SRRM3: variants seen among roughly 807,000 people sequenced by gnomAD.
SRRM3 encodes the protein serine/arginine repetitive matrix 3, also known as serine/arginine repetitive matrix protein 3.
In SRRM3, 27 loss-of-function variants were observed where a neutral mutation model predicts 66.2. That is an observed-to-expected ratio of 0.41 (90% CI 0.30 to 0.56). The LOEUF (loss-of-function observed/expected upper bound fraction) is 0.56. SRRM3 is among the 20% of genes least tolerant of loss of function. The probability of loss-of-function intolerance (pLI) is 0.32; values close to 1 mark genes in which losing one functional copy is unlikely to be tolerated. For missense variants in SRRM3, 918 were observed against 991.9 expected (o/e 0.93, Z 1.00); for synonymous variants, 391 against 414.9 (o/e 0.94, Z 0.70).
chr7:76,267,674 C>T, intron 11 of SRRM3: 1 of 389,076 alleles, frequency 2.6e-6, no homozygotes, highest in Non-Finnish European at 4.5e-6. Flanking sequence ...GGTCTTGGGC[C>T]ACCCTTGCGC....
chr7:76,279,392 T>C (rs1554611540), intron 11 of SRRM3, among the ~76,000 whole-genome samples: 1 of 151,764 alleles, frequency 6.6e-6, no homozygotes, highest in African/African-American at 2.4e-5. Context: ...TAAAAAGTGA[T>C]GTTACAGAGG....
intron 6 of SRRM3, 82 bp downstream of exon 6, chr7:76,260,985 C>A: frequency 1.4e-6 from 2 of 1,465,168 alleles, no homozygotes; most frequent in Non-Finnish European, 1.9e-6. Flanking sequence ...CCCCAGAGGC[C>A]GGAGGCCTGG....
chr7:76,282,395 T>C (rs1247155769), intron 12 of SRRM3, among the ~76,000 whole-genome samples: 1 of 118,602 alleles, frequency 8.4e-6, no homozygotes, highest in Admixed American at 9.3e-5. Context: ...CCCCGCTTAC[T>C]GATCACTCTC....
intron 1 of SRRM3, among the ~76,000 whole-genome samples, chr7:76,206,652 A>G (rs1800307556): frequency 6.6e-6 from 1 of 152,204 alleles, no homozygotes; most frequent in South Asian, 2.1e-4. Flanking sequence ...AGCCGGGTTC[A>G]GGCTGCCTCA....
chr7:76,266,629 T>A (rs1334796879), intron 10 of SRRM3, among the ~76,000 whole-genome samples: 2 of 130,328 alleles, frequency 1.5e-5, no homozygotes, highest in South Asian at 2.1e-4. Flanking sequence ...TATTAATATA[T>A]ATTTAATATA....
At chr7:76,235,413 G>T in intron 2 of SRRM3, 114 bp downstream of exon 2, 1 of 948,946 alleles carries the variant, frequency 1.1e-6, no homozygotes, top group Admixed American at 3.0e-5. Context: ...AGAAGGGCGG[G>T]GCTAGGGGCT....
intron 1 of SRRM3, among the ~76,000 whole-genome samples, chr7:76,219,570 C>T (rs1800660941): frequency 6.6e-6 from 1 of 152,184 alleles, no homozygotes; most frequent in Non-Finnish European, 1.5e-5. Flanking sequence ...TCAGAGCCAA[C>T]AAAGACAGGA....
At chr7:76,274,043 G>A (rs1368781837) in intron 11 of SRRM3, among the ~76,000 whole-genome samples, 1 of 152,212 alleles carries the variant, frequency 6.6e-6, no homozygotes, top group Non-Finnish European at 1.5e-5. Context: ...CTGTTGTCTG[G>A]AGTAGCTGCG....
chr7:76,218,876 CAG>C (rs1352526158), intron 1 of SRRM3, among the ~76,000 whole-genome samples: 2 of 151,442 alleles, frequency 1.3e-5, no homozygotes, highest in African/African-American at 2.4e-5. Flanking sequence ...TTTTTTCAGA[CAG>C]AGTGTCGCTC....
rs1554606708 is a variant in SRRM3, at chr7:76,250,043, TTA to T, written c.335+1756_335+1757del. Among the ~76,000 whole-genome samples the T allele has an allele frequency of 7.8e-5, 7 of 89,396 alleles. No homozygotes were observed. The East Asian group carries it at 2.5e-3, about 32-fold the overall frequency. The allele number at this position is 89,396 out of a possible 152,430, so 58.6% of individuals were successfully genotyped here. ...CATCTTTATTTATTTATTTATTTAT[TTA>T]TTTTTATTTATTTTTTGACACAGGG... On this transcript the variant is annotated intron_variant, in intron 3 of 14. Transcript: ENST00000611745.
chr7:76,246,335 G>A (rs1400563586), intron 2 of SRRM3, among the ~76,000 whole-genome samples: 1 of 152,000 alleles, frequency 6.6e-6, no homozygotes, highest in Non-Finnish European at 1.5e-5. Flanking sequence ...AGGCTGAGCT[G>A]GGCAGATCAT....
At chr7:76,250,163 C>G (rs1009270925) in intron 3 of SRRM3, among the ~76,000 whole-genome samples, 1 of 152,098 alleles carries the variant, frequency 6.6e-6, no homozygotes, top group Non-Finnish European at 1.5e-5. Context: ...CCTGCCTCAG[C>G]CTCCTGAGTA....
intron 1 of SRRM3, among the ~76,000 whole-genome samples, chr7:76,206,876 G>A (rs766259051): frequency 5.3e-5 from 8 of 152,208 alleles, no homozygotes; most frequent in East Asian, 3.9e-4. Context: ...GGAAGCTGAC[G>A]GACGGTGCCA....
chr7:76,221,254 C>T (rs528146958), intron 1 of SRRM3, among the ~76,000 whole-genome samples: 2 of 151,652 alleles, frequency 1.3e-5, no homozygotes, highest in Admixed American at 1.3e-4. Flanking sequence ...AGAGTTTTGC[C>T]ATGTTGGCCA....
At chr7:76,248,069 T>C in intron 2 of SRRM3, 119 bp from the exon 3 acceptor site, 1 of 716,700 alleles carries the variant, frequency 1.4e-6, no homozygotes, top group Non-Finnish European at 2.5e-6. Context: ...GACAGGTTAT[T>C]GCAAGCCGGA....
rs375504487 is a variant in SRRM3 at position 76,266,490 on chromosome 7, AT to A, written c.831-765del. ...TTATAAATATTTATATATTTTATAT[AT>A]TTATATATTTAATATATAAATATTT... is the stretch of plus-strand genomic sequence containing the variant. On this transcript the variant is annotated intron_variant, in intron 10 of 14. Transcript: ENST00000611745. Among the ~76,000 whole-genome samples the A allele has an allele frequency of 0.011, 1,191 of 109,778 alleles. 15 individuals carry two copies. In the Middle Eastern group the frequency reaches 0.14, roughly 13 times the overall value. 72.0% of individuals were successfully genotyped at this position (109,778 alleles called of 152,430 possible). A position where few individuals can be genotyped will look rare whatever the true frequency, so the allele number is the denominator to read the frequency against.
intron 1 of SRRM3, among the ~76,000 whole-genome samples, chr7:76,229,738 CTTCTTT>C (rs1184214285): frequency 1.4e-5 from 2 of 147,980 alleles, no homozygotes; most frequent in African/African-American, 5.0e-5. Flanking sequence ...TCTTCTTCTT[CTTCTTT>C]TTTTTTTTTT....
intron 5 of SRRM3, among the ~76,000 whole-genome samples, 193 bp downstream of exon 5, chr7:76,260,390 T>C (rs1583919504): frequency 2.9e-5 from 1 of 34,554 alleles, no homozygotes; most frequent in South Asian, 1.0e-3. Flanking sequence ...CTCAAGCTCC[T>C]CCCCTCGCTA....
intron 2 of SRRM3, among the ~76,000 whole-genome samples, chr7:76,243,315 G>A (rs1801355756): frequency 6.6e-6 from 1 of 152,148 alleles, no homozygotes; most frequent in South Asian, 2.1e-4. Context: ...GCTCAGCTGA[G>A]AAGATTGATT....
Sources: allele counts gnomAD v4.1 joint callset (sites outside exome capture counted in the v4.1 genomes callset), GRCh38; gene constraint gnomAD v4.1.1; transcripts MANE v1.5; gene names NCBI Gene and HGNC (gene_info 2026-07-23, HGNC 2026-07-21).